Variants in ASMTL observed in about 807,000 individuals in gnomAD.
ASMTL encodes the protein acetylserotonin O-methyltransferase like.
Under a neutral mutation model 60.3 loss-of-function variants are expected in ASMTL, and 57 were observed. That is an observed-to-expected ratio of 0.95 (90% confidence interval 0.76 to 1.18). The LOEUF is 1.18. Ranked by LOEUF, ASMTL falls within the 50% of genes most tolerant of loss-of-function variation. The probability of loss-of-function intolerance (pLI) is 0.00; values close to 1 mark genes in which losing one functional copy is unlikely to be tolerated. For synonymous variants in ASMTL, 419 were observed against 373.0 expected (o/e 1.12, Z -1.42); for missense variants, 981 against 852.6 (o/e 1.15, Z -1.88).
intron 11 of ASMTL, 161 bp downstream of exon 11, chrX:1,417,809 AGAC>A: frequency 4.5e-6 from 1 of 222,830 alleles, no homozygotes; most frequent in Non-Finnish European, 5.2e-6. Context: ...GCACACAGAG[AGAC>A]ACACACACAC....
intron 9 of ASMTL, among the ~76,000 whole-genome samples, chrX:1,419,594 C>A (rs1287526896): frequency 6.6e-6 from 1 of 151,952 alleles, no homozygotes; most frequent in Admixed American, 6.6e-5. Flanking sequence ...TTCTCCAAGT[C>A]CCCCCAGTGG....
intron 12 of ASMTL, among the ~76,000 whole-genome samples, chrX:1,410,416 CTTTT>C (rs761882872): frequency 6.2e-5 from 9 of 145,706 alleles, no homozygotes; most frequent in Non-Finnish European, 9.1e-5. Context: ...CCACAAAAAA[CTTTT>C]TTTTTTTTTT....
chrX:1,421,048 A>T (rs1368435525), intron 9 of ASMTL, among the ~76,000 whole-genome samples: 1 of 149,906 alleles, frequency 6.7e-6, no homozygotes, highest in Non-Finnish European at 1.5e-5. Flanking sequence ...CAACCACCAC[A>T]TCCCGGGTTC....
At chrX:1,428,728 A>G (rs1415554888) in intron 6 of ASMTL, among the ~76,000 whole-genome samples, 2 of 149,054 alleles carry the variant, frequency 1.3e-5, no homozygotes, top group African/African-American at 5.0e-5. Context: ...CATTAAATCA[A>G]GCCAATTATC....
At chrX:1,431,399 T>A (rs1244338121) in intron 6 of ASMTL, among the ~76,000 whole-genome samples, 2 of 136,422 alleles carry the variant, frequency 1.5e-5, no homozygotes, top group South Asian at 4.6e-4. Flanking sequence ...ACCTATTATA[T>A]AATCTATTTT....
At chrX:1,440,384 C>T (rs572062200) in intron 2 of ASMTL, among the ~76,000 whole-genome samples, 16 of 151,892 alleles carry the variant, frequency 1.1e-4, no homozygotes, top group African/African-American at 3.9e-4. Flanking sequence ...GCCACTGCAC[C>T]CGGCCCCGAA....
At chrX:1,448,814 C>G (rs2091288732) in intron 1 of ASMTL, among the ~76,000 whole-genome samples, 1 of 151,718 alleles carries the variant, frequency 6.6e-6, no homozygotes, top group Non-Finnish European at 1.5e-5. Flanking sequence ...CCATCTTGGA[C>G]AAGCACTGCC....
intron 1 of ASMTL, among the ~76,000 whole-genome samples, chrX:1,445,922 C>G (rs1344994473): frequency 1.3e-5 from 2 of 152,056 alleles, no homozygotes; most frequent in African/African-American, 4.8e-5. Flanking sequence ...GGGAGTCTCC[C>G]TTTCCCTGGG....
Position 1,425,730 on chromosome X carries a change from C to T in ASMTL, c.898-43G>A, listed in dbSNP as rs757246574. 17 of 1,593,710 alleles carry T rather than the reference C, an allele frequency of 1.1e-5. No individual in the cohort carries two copies. The East Asian group carries it at 2.9e-4, about 27-fold the overall frequency. ...AGAGAGACTCATTAAGTCCCTTGTC[C>T]AGTACTTTCTACTCCCACAGACTCA... is the stretch of plus-strand genomic sequence containing the variant. On this transcript the variant is annotated intron_variant, in intron 7 of 12. Coordinates refer to ENST00000381317, the MANE Select transcript of ASMTL (RefSeq NM_004192.4).
At chrX:1,422,478 C>T (rs1443941821) in intron 8 of ASMTL, among the ~76,000 whole-genome samples, 1 of 152,144 alleles carries the variant, frequency 6.6e-6, no homozygotes, top group African/African-American at 2.4e-5. Context: ...GTTCTGTTAC[C>T]CTGGAGAGCC....
intron 12 of ASMTL, among the ~76,000 whole-genome samples, chrX:1,405,341 G>C (rs2089779464): frequency 6.6e-6 from 1 of 151,402 alleles, no homozygotes; most frequent in Non-Finnish European, 1.5e-5. Flanking sequence ...TTAGGTGGAT[G>C]GATAGATGGA....
intron 5 of ASMTL, among the ~76,000 whole-genome samples, chrX:1,434,664 C>A (rs1400452665): frequency 6.6e-6 from 1 of 150,978 alleles, no homozygotes; most frequent in African/African-American, 2.4e-5. Flanking sequence ...ATTAGCCGGG[C>A]ATGGTGGTGG....
chrX:1,404,464 A>T (rs2089725531), intron 12 of ASMTL, among the ~76,000 whole-genome samples: 1 of 149,734 alleles, frequency 6.7e-6, no homozygotes, highest in South Asian at 2.1e-4. Flanking sequence ...ATGGGTAGGT[A>T]GGTAGATAGA....
rs370236045 is a variant in ASMTL, at chrX:1,412,822, C to G, written c.1555G>C (p.Glu519Gln). Residue 519 changes from glutamate to glutamine, a missense_variant, in exon 12 of 13, where the codon GAG becomes CAG. Physicochemically the swap from Glu to Gln is conservative, Grantham distance 29. Coordinates refer to ENST00000381317, the MANE Select transcript of ASMTL (RefSeq NM_004192.4). ...AGGATCCGGCACAGGACGTACAGCT[C>G]AGCGCTGGGGAGGGGGTCCCTGAAA... ...DFFRDPLPSA[E>Q]LYVLCRILHD... 5 of 1,613,962 alleles carry G rather than the reference C, an allele frequency of 3.1e-6. No homozygotes were observed. The South Asian group carries it at 5.5e-5, about 18-fold the overall frequency.
chrX:1,421,689 G>T lies in ASMTL; in HGVS notation c.1214C>A (p.Ala405Glu). Residue 405 changes from alanine to glutamate, a missense_variant, in exon 9 of 13, where the codon GCG becomes GAG. Transcript: ENST00000381317. The part of the protein sequence containing the change: ...IREGTNQHHR[A>E]LGKKAEDLFQ... ...CAGATCTTCCGCCTTCTTCCCCAAC[G>T]CCCTGTGGTGCTGGTTTGTTCCCTC... The T allele has an allele frequency of 6.2e-7, 1 of 1,613,906 alleles. No individual in the cohort carries two copies. The highest frequency in any genetic ancestry group is 1.3e-5 in the African/African-American group (1 of 75,036).
In ASMTL at chrX:1,415,471, C is replaced by CTTTTT. The variant is rs768836925; in HGVS notation, c.1522+2497_1522+2501dup. Among the ~76,000 whole-genome samples, 5 of 147,022 alleles carry CTTTTT rather than the reference C, an allele frequency of 3.4e-5. 2 individuals are homozygous for CTTTTT. Among genetic ancestry groups the CTTTTT allele is most frequent in the Non-Finnish European group, 4.5e-5 (3 of 67,120 alleles). On this transcript the variant is annotated intron_variant, in intron 11 of 12. Transcript: ENST00000381317. ...TATTTATCATTATTATTATCATTGT[C>CTTTTT]TTTTTTTTTTTGAGATGGAGTTTCG...
At position 1,421,648 on chromosome X, in the gene ASMTL, G is replaced by A; in HGVS notation, c.1245+10C>T. ...TAGACGGAAAGGTGTCCGCGGGGGT[G>A]TTATGCTACCTGGAACAGATCTTCC... is the stretch of plus-strand genomic sequence containing the variant. On this transcript the variant is annotated intron_variant, in intron 9 of 12. Coordinates refer to ENST00000381317, the MANE Select transcript of ASMTL (RefSeq NM_004192.4). 6.2e-7 allele frequency: 1 copy of A among 1,613,848 alleles called. No individual in the cohort carries two copies.
chrX:1,428,011 T>G lies in ASMTL; in HGVS notation c.620A>C (p.Gln207Pro). ...GGGCGGGTAGTAGAGCTTCACCAGC[T>G]GCTTGCAGAAGTGGTTCAGCGGGAA... ...VGFPLNHFCK[Q>P]LVKLYYPPRP... is the part of the protein sequence containing the mutation. Residue 207 changes from glutamine to proline, a missense_variant, in exon 7 of 13, where the codon CAG (glutamine) becomes CCG (proline). Coordinates refer to ENST00000381317, the MANE Select transcript of ASMTL (RefSeq NM_004192.4). The G allele has an allele frequency of 6.2e-7, 1 of 1,613,650 alleles. No homozygotes were observed. Among genetic ancestry groups the G allele is most frequent in the South Asian group, 1.1e-5 (1 of 91,072 alleles).
At chrX:1,447,394 ACCATCTTGGACACACACTG>A (rs1361878316) in intron 1 of ASMTL, among the ~76,000 whole-genome samples, 2 of 151,844 alleles carry the variant, frequency 1.3e-5, no homozygotes, top group Admixed American at 1.3e-4. Flanking sequence ...GAGAAGCACC[ACCATCTTGGACACACACTG>A]CCATCTTGGA....
Sources: allele counts gnomAD v4.1 joint callset (sites outside exome capture counted in the v4.1 genomes callset), GRCh38; gene constraint gnomAD v4.1.1; transcripts MANE v1.5; gene names NCBI Gene and HGNC (gene_info 2026-07-23, HGNC 2026-07-21).